SNX25: variants seen among roughly 807,000 people sequenced by gnomAD.
SNX25 encodes sorting nexin 25.
In SNX25, 62 loss-of-function variants were observed where a neutral mutation model predicts 113.7. That is an observed-to-expected ratio of 0.55 (90% CI 0.44 to 0.67). The LOEUF is 0.67. Ranked by LOEUF, SNX25 falls within the 30% of genes least tolerant of loss-of-function variation. The pLI is 0.00. For synonymous variants in SNX25, 421 were observed against 436.2 expected, an observed-to-expected ratio of 0.97 and a Z score of 0.43; for missense variants, 1,014 against 1,161.0, an observed-to-expected ratio of 0.87 and a Z score of 1.84.
chr4:185,254,850 G>A (rs963359700), intron 2 of SNX25, among the ~76,000 whole-genome samples: 1 of 152,072 alleles, frequency 6.6e-6, no homozygotes, highest in African/African-American at 2.4e-5. Flanking sequence ...GCCTTTAGAA[G>A]AAAGATTTTT....
At chr4:185,231,711 CAA>C (rs35635272) in intron 1 of SNX25, among the ~76,000 whole-genome samples, 205 of 134,318 alleles carry the variant, frequency 1.5e-3, no homozygotes, top group Middle Eastern at 3.8e-3. Flanking sequence ...ACTCCATCTT[CAA>C]AAAAAAAAAA....
At position 185,295,545 on chromosome 4, in the gene SNX25, G is replaced by A. The variant is rs543512712; in HGVS notation, c.1162+7463G>A. Among the ~76,000 whole-genome samples, 15 of 151,708 alleles carry A rather than the reference G, an allele frequency of 9.9e-5. No homozygotes were observed. The South Asian group carries it at 2.3e-3, about 23-fold the overall frequency. On this transcript the variant is annotated intron_variant, in intron 6 of 18. Transcript: ENST00000652585. ...GCTCACTGCAGTCTTGACCTCCCGG[G>A]TTCAAGTGATCCTCCCACCTCAGCT...
rs1302817706 is a variant in SNX25 at position 185,210,750 on chromosome 4, C to G, written c.429+495C>G. Among the ~76,000 whole-genome samples the G allele has an allele frequency of 6.6e-6, 1 of 152,048 alleles. No homozygotes were observed. The highest frequency in any genetic ancestry group is 2.4e-5 in the African/African-American group (1 of 41,392). Reference sequence around the variant, plus strand: ...CTCACCCCCAAGCCCGCGTACCCTTCCCACCACCCTATCCTGCCTTCCACC... The same window carrying G: ...CTCACCCCCAAGCCCGCGTACCCTTGCCACCACCCTATCCTGCCTTCCACC... On this transcript the variant is annotated intron_variant, in intron 1 of 18. Coordinates refer to ENST00000652585, the MANE Select transcript of SNX25 (RefSeq NM_001378034.2). The surrounding 1 kb of genome is among the most constrained non-coding windows in gnomAD (Gnocchi z 4.4).
intron 7 of SNX25, among the ~76,000 whole-genome samples, chr4:185,319,184 G>T (rs1579770276): frequency 4.2e-5 from 5 of 120,166 alleles, no homozygotes; most frequent in South Asian, 2.7e-4. Flanking sequence ...CATTTTCTTT[G>T]AGAAAGTCCT....
downstream of SNX25, chr4:185,374,262 G>A (rs762280951): frequency 3.1e-6 from 5 of 1,614,058 alleles, no homozygotes; most frequent in South Asian, 3.3e-5. Flanking sequence ...AGTGAGGCAT[G>A]TTATTCTCGG....
intron 5 of SNX25, among the ~76,000 whole-genome samples, chr4:185,279,949 C>T (rs3108271): frequency 0.41 from 61,907 of 151,856 alleles, 12,908 homozygotes; most frequent in East Asian, 0.56. Context: ...AAGACAGGGT[C>T]TCACTCTGTC....
At chr4:185,374,155 C>A, downstream of SNX25, 1 of 1,614,104 alleles carries the variant, frequency 6.2e-7, no homozygotes. Flanking sequence ...TCCTTGGGCT[C>A]CTTGGTTGAG....
At chr4:185,240,887 A>G (rs1420315570) in intron 1 of SNX25, among the ~76,000 whole-genome samples, 1 of 146,102 alleles carries the variant, frequency 6.8e-6, no homozygotes, top group Non-Finnish European at 1.5e-5. Context: ...ACGGGGCGGC[A>G]GGGCAGAGGC....
intron 5 of SNX25, among the ~76,000 whole-genome samples, chr4:185,267,960 C>G (rs1748371459): frequency 6.6e-6 from 1 of 152,076 alleles, no homozygotes; most frequent in Non-Finnish European, 1.5e-5. Context: ...TCATAAAGGT[C>G]TTCATCCTCA....
chr4:185,339,066 A>C (rs2095246893), intron 10 of SNX25, among the ~76,000 whole-genome samples: 2 of 152,154 alleles, frequency 1.3e-5, no homozygotes, highest in Admixed American at 1.3e-4. Context: ...GGTAGTACTG[A>C]CAGCAATATT....
intron 7 of SNX25, among the ~76,000 whole-genome samples, chr4:185,319,803 G>A (rs2095105963): frequency 6.6e-6 from 1 of 152,136 alleles, no homozygotes; most frequent in Admixed American, 6.5e-5. Context: ...TATTTAAAAT[G>A]TAGTAAGAGG....
intron 1 of SNX25, among the ~76,000 whole-genome samples, chr4:185,240,404 C>T (rs76605990): frequency 0.31 from 43,346 of 141,114 alleles, 6,033 homozygotes; most frequent in East Asian, 0.49. Context: ...GGCTGACCCC[C>T]CCACCTCCCT....
intron 1 of SNX25, among the ~76,000 whole-genome samples, chr4:185,213,059 T>G (rs1184426217): frequency 2.0e-5 from 3 of 152,180 alleles, no homozygotes; most frequent in Non-Finnish European, 2.9e-5. Flanking sequence ...AAAGGGTGTT[T>G]TTATGTCTAG....
chr4:185,269,527 G>A (rs992685156), intron 5 of SNX25, among the ~76,000 whole-genome samples: 3 of 152,202 alleles, frequency 2.0e-5, no homozygotes, highest in Admixed American at 6.5e-5. Flanking sequence ...GTAAAGGCAG[G>A]TGTGGACTAT....
chr4:185,376,116 C>G, the SNX25 span, among the ~76,000 whole-genome samples: 1 of 152,168 alleles, frequency 6.6e-6, no homozygotes, highest in Non-Finnish European at 1.5e-5. Context: ...GAGGGGACAG[C>G]TGGCATAGCC....
At chr4:185,272,364 C>G (rs554568522) in intron 5 of SNX25, among the ~76,000 whole-genome samples, 2 of 152,232 alleles carry the variant, frequency 1.3e-5, no homozygotes, top group South Asian at 2.1e-4. Flanking sequence ...AAAGTGGGGT[C>G]AAAGCAAACA....
chr4:185,332,861 T>C (rs142294065), intron 10 of SNX25, 102 bp downstream of exon 10: 1 of 1,208,602 alleles, frequency 8.3e-7, no homozygotes, highest in African/African-American at 1.5e-5. Flanking sequence ...AAAATAATTT[T>C]AACCATGAAC....
chr4:185,357,422 C>A (rs1224947634), intron 15 of SNX25, among the ~76,000 whole-genome samples: 2 of 152,178 alleles, frequency 1.3e-5, no homozygotes, highest in Admixed American at 6.5e-5. Flanking sequence ...CTTGCGAGCT[C>A]AGCTGTTGGG....
chr4:185,265,344 C>T (rs1747911044), intron 4 of SNX25, among the ~76,000 whole-genome samples: 1 of 152,134 alleles, frequency 6.6e-6, no homozygotes, highest in Admixed American at 6.5e-5. Flanking sequence ...TAACCTATTG[C>T]TCCTAGACTA....
Sources: gnomAD v4.1 joint callset for allele counts (sites outside exome capture counted in the v4.1 genomes callset) on GRCh38, gnomAD v4.1.1 for gene constraint, Gnocchi (gnomAD v3.1) non-coding constraint, MANE v1.5 for transcripts, NCBI Gene and HGNC (gene_info 2026-07-23, HGNC 2026-07-21) for gene names.